The following CDKN2B-AS1 variants were observed in gnomAD, a reference collection of about 807,000 sequenced individuals.
The protein encoded by CDKN2B-AS1 is CDKN2B and CDKN2A antisense cis and trans regulatory RNA 1.
At chr9:22,070,574 A>G (rs1824247667) in intron 4 of CDKN2B-AS1, among the ~76,000 whole-genome samples, 1 of 152,090 alleles carries the variant, frequency 6.6e-6, no homozygotes, top group Non-Finnish European at 1.5e-5. Context: ...AGAGACAAGG[A>G]AGGATAGGGC....
intron 4 of CDKN2B-AS1, among the ~76,000 whole-genome samples, chr9:22,085,057 G>C (rs1423865272): frequency 6.6e-6 from 1 of 152,106 alleles, no homozygotes; most frequent in Non-Finnish European, 1.5e-5. Context: ...TTTCCACAGA[G>C]AACTCAAATA....
At chr9:22,022,970 T>C (rs960340021) in intron 1 of CDKN2B-AS1, among the ~76,000 whole-genome samples, 19 of 152,264 alleles carry the variant, frequency 1.2e-4, no homozygotes, top group Admixed American at 1.2e-3. Flanking sequence ...CACTTCTGGC[T>C]TGTAGGGTTT....
At position 21,997,922 on chromosome 9, in the gene CDKN2B-AS1, A is replaced by G. The variant is rs186647683; in HGVS notation, n.29+2761A>G. 1.3e-3 allele frequency among the ~76,000 whole-genome samples: 197 copies of G among 152,200 alleles called. 1 individual carries two copies. Among genetic ancestry groups the G allele is most frequent in the African/African-American group, 4.5e-3 (185 of 41,540 alleles). On this transcript the variant is annotated intron_variant and non_coding_transcript_variant, in intron 1 of 4. Transcript: ENST00000650946. This position sits in a 1 kb window ranked among gnomAD's most constrained non-coding sequence, Gnocchi z 4.8. ...GGATCAAATTTAAATTGAGGGATCT[A>G]TCTTTGTTTATTGGAGCCATATAGC...
At position 22,001,573 on chromosome 9, in the gene CDKN2B-AS1, A is replaced by G. The variant is rs3217999; in HGVS notation, n.29+6412A>G. On this transcript the variant is annotated intron_variant and non_coding_transcript_variant, in intron 1 of 4. Transcript: ENST00000650946. This position sits in a 1 kb window ranked among gnomAD's most constrained non-coding sequence, Gnocchi z 4.2. ...TTAATATACAATCCATGCCAATTAC[A>G]TATTATTAATTAGTGGCACTAGTAT... Among the ~76,000 whole-genome samples the G allele has an allele frequency of 0.042, 6,458 of 152,246 alleles. 373 individuals carry two copies. The highest frequency in any genetic ancestry group is 0.13 in the African/African-American group (5,487 of 41,546).
intron 1 of CDKN2B-AS1, among the ~76,000 whole-genome samples, chr9:22,020,700 G>C (rs1821979846): frequency 6.6e-6 from 1 of 152,116 alleles, no homozygotes; most frequent in African/African-American, 2.4e-5. Flanking sequence ...GTCTGTTCAT[G>C]TCCTTTGCCC....
chr9:22,065,295 C>G (rs1387720920), intron 4 of CDKN2B-AS1, among the ~76,000 whole-genome samples: 1 of 152,192 alleles, frequency 6.6e-6, no homozygotes, highest in Admixed American at 6.5e-5. Context: ...TAGCTCCTGG[C>G]TCATTTGTGA....
intron 4 of CDKN2B-AS1, among the ~76,000 whole-genome samples, chr9:22,101,675 C>A (rs1825489736): frequency 8.5e-6 from 1 of 118,106 alleles, no homozygotes; most frequent in African/African-American, 2.7e-5. Context: ...AACACACACA[C>A]ACACACACAC....
At chr9:22,011,109 C>G (rs1821480783) in intron 1 of CDKN2B-AS1, among the ~76,000 whole-genome samples, 1 of 152,158 alleles carries the variant, frequency 6.6e-6, no homozygotes, top group Non-Finnish European at 1.5e-5. Context: ...ACTAGCACCA[C>G]GGACAGCGCT....
At chr9:22,047,254 G>A (rs987671088) in intron 2 of CDKN2B-AS1, among the ~76,000 whole-genome samples, 10 of 151,906 alleles carry the variant, frequency 6.6e-5, no homozygotes, top group African/African-American at 2.2e-4. Context: ...CTATGTATAG[G>A]TATATTGTTG....
At chr9:22,120,200 T>A (rs1056411299) in intron 4 of CDKN2B-AS1, 1 of 152,268 alleles carries the variant, frequency 6.6e-6, no homozygotes, top group East Asian at 1.9e-4. Flanking sequence ...TTCTTCCCAG[T>A]ATCTTACAGA....
At chr9:22,119,113 C>CT (rs1310622790) in intron 4 of CDKN2B-AS1, 1 of 151,422 alleles carries the variant, frequency 6.6e-6, no homozygotes, top group Admixed American at 6.6e-5. Flanking sequence ...CCTCAGTTTC[C>CT]TCATTCAATA....
At chr9:22,016,050 G>T (rs1010586378) in intron 1 of CDKN2B-AS1, among the ~76,000 whole-genome samples, 1 of 152,144 alleles carries the variant, frequency 6.6e-6, no homozygotes, top group African/African-American at 2.4e-5. Context: ...TAGGTTGCCT[G>T]TTCACTCTGA....
chr9:22,012,204 T>G (rs1821537940), intron 1 of CDKN2B-AS1: 1 of 1,404,478 alleles, frequency 7.1e-7, no homozygotes, highest in South Asian at 1.2e-5. Context: ...ACCCTTGAGG[T>G]CGAGCCCAGT....
chr9:22,077,289 G>A (rs948221875), intron 4 of CDKN2B-AS1, among the ~76,000 whole-genome samples: 1 of 151,958 alleles, frequency 6.6e-6, no homozygotes, highest in African/African-American at 2.4e-5. Context: ...TACAATGAAT[G>A]TAAAAATATT....
At chr9:22,060,333 C>T (rs1823763360) in intron 4 of CDKN2B-AS1, among the ~76,000 whole-genome samples, 4 of 152,258 alleles carry the variant, frequency 2.6e-5, no homozygotes. Flanking sequence ...TTCAAAGTTC[C>T]ACAAATCTCT....
chr9:22,086,987 G>C (rs182285864), intron 4 of CDKN2B-AS1, among the ~76,000 whole-genome samples: 1 of 152,312 alleles, frequency 6.6e-6, no homozygotes, highest in East Asian at 1.9e-4. Flanking sequence ...CCTACGCAGG[G>C]AAGTTTTCTT....
chr9:22,017,404 C>T (rs766671515), intron 1 of CDKN2B-AS1, among the ~76,000 whole-genome samples: 8 of 152,162 alleles, frequency 5.3e-5, no homozygotes, highest in Admixed American at 2.0e-4. Context: ...TCAACCTACC[C>T]GTTTCACACA....
chr9:22,069,958 G>A (rs746774300), intron 4 of CDKN2B-AS1, among the ~76,000 whole-genome samples: 9 of 152,032 alleles, frequency 5.9e-5, no homozygotes, highest in Admixed American at 3.3e-4. Context: ...CGCCTCCCAG[G>A]TTCAAGTGAT....
chr9:22,023,120 G>A (rs1313562003), intron 1 of CDKN2B-AS1, among the ~76,000 whole-genome samples: 1 of 152,066 alleles, frequency 6.6e-6, no homozygotes, highest in Admixed American at 6.6e-5. Context: ...ACTTATTATG[G>A]GGTATCTTAC....
Sources: allele counts gnomAD v4.1 joint callset (sites outside exome capture counted in the v4.1 genomes callset), GRCh38; gene constraint gnomAD v4.1.1; non-coding constraint Gnocchi (gnomAD v3.1); transcripts MANE v1.5; gene names NCBI Gene and HGNC (gene_info 2026-07-23, HGNC 2026-07-21).